The following OSTF1 variants were observed in gnomAD, a reference collection of about 807,000 sequenced individuals.
The protein encoded by OSTF1 is osteoclast-stimulating factor 1.
OSTF1 carries 27 observed loss-of-function variants against 37.2 expected under a neutral mutation model. The ratio of observed to expected loss-of-function variants is 0.73; its 90% CI spans 0.54 to 1.00. The LOEUF is 1.00. Among genes scored for constraint, OSTF1 ranks in the 50% least tolerant of loss-of-function variants. The pLI, the probability that OSTF1 is intolerant of heterozygous loss-of-function variation, is 0.00. For missense variants in OSTF1, 232 were observed against 253.8 expected, an observed-to-expected ratio of 0.91 and a Z score of 0.58; for synonymous variants, 82 against 89.2, an observed-to-expected ratio of 0.92 and a Z score of 0.46.
chr9:75,133,483 A>G (rs1825798585), intron 6 of OSTF1, 82 bp downstream of exon 6: 1 of 825,684 alleles, frequency 1.2e-6, no homozygotes, highest in Non-Finnish European at 2.0e-6. Flanking sequence ...AAAAAATGAG[A>G]AAGGAAAAGC....
At chr9:75,132,860 G>T (rs529315529) in intron 5 of OSTF1, among the ~76,000 whole-genome samples, 1 of 152,140 alleles carries the variant, frequency 6.6e-6, no homozygotes, top group South Asian at 2.1e-4. Flanking sequence ...AACTGAAGAT[G>T]CATTTTAAAT....
intron 6 of OSTF1, 35 bp downstream of exon 6, chr9:75,133,436 G>A: frequency 7.9e-7 from 1 of 1,267,600 alleles, no homozygotes; most frequent in Non-Finnish European, 1.1e-6. Flanking sequence ...TTTCTATGCT[G>A]CTGAAAATGT....
chr9:75,139,112 G>A (rs964014967), intron 8 of OSTF1, among the ~76,000 whole-genome samples: 4 of 136,058 alleles, frequency 2.9e-5, no homozygotes, highest in African/African-American at 1.1e-4. Context: ...GCATGATCTC[G>A]GCTCATTGCA....
intron 5 of OSTF1, 96 bp from the exon 6 acceptor site, chr9:75,133,198 C>T: frequency 1.4e-6 from 1 of 734,282 alleles, no homozygotes; most frequent in Non-Finnish European, 2.4e-6. Context: ...TAATCCATTG[C>T]AAATGGAAAT....
chr9:75,089,083 G>T (rs1824881080), intron 1 of OSTF1, among the ~76,000 whole-genome samples: 1 of 152,070 alleles, frequency 6.6e-6, no homozygotes, highest in Non-Finnish European at 1.5e-5. Context: ...GTCATGAAAT[G>T]ATCTTTAGCC....
At chr9:75,108,182 A>C (rs375138211) in intron 1 of OSTF1, among the ~76,000 whole-genome samples, 5 of 152,088 alleles carry the variant, frequency 3.3e-5, no homozygotes, top group East Asian at 3.9e-4. Context: ...CTATGATTGC[A>C]CCACTGTACT....
chr9:75,141,823 C>T (rs1259550243), intron 9 of OSTF1, among the ~76,000 whole-genome samples: 2 of 152,180 alleles, frequency 1.3e-5, no homozygotes, highest in Admixed American at 1.3e-4. Context: ...TCATAGCTCA[C>T]TGCAGCCTCA....
intron 1 of OSTF1, among the ~76,000 whole-genome samples, chr9:75,114,416 A>G (rs1013244701): frequency 1.3e-5 from 2 of 152,248 alleles, no homozygotes; most frequent in African/African-American, 2.4e-5. Flanking sequence ...TATCAGTCAC[A>G]TGAACCATTC....
chr9:75,090,344 T>A (rs1824950646), intron 1 of OSTF1, among the ~76,000 whole-genome samples: 1 of 151,868 alleles, frequency 6.6e-6, no homozygotes. Flanking sequence ...CAGTAATGTA[T>A]ACATGTGGGT....
At chr9:75,093,597 A>T (rs142766291) in intron 1 of OSTF1, among the ~76,000 whole-genome samples, 39 of 152,366 alleles carry the variant, frequency 2.6e-4, no homozygotes, top group African/African-American at 7.9e-4. Context: ...AACTTTGAAG[A>T]AGCAAATGTC....
chr9:75,088,895 G>A (rs1218839515), intron 1 of OSTF1, among the ~76,000 whole-genome samples, 169 bp downstream of exon 1: 1 of 152,068 alleles, frequency 6.6e-6, no homozygotes. Context: ...TGTTACGGAG[G>A]AGGGATCGAT....
chr9:75,132,241 G>A (rs1205168801), intron 5 of OSTF1, among the ~76,000 whole-genome samples: 1 of 152,164 alleles, frequency 6.6e-6, no homozygotes, highest in African/African-American at 2.4e-5. Context: ...AGAATGGAAG[G>A]GTCTGGTGGG....
intron 1 of OSTF1, among the ~76,000 whole-genome samples, chr9:75,115,547 C>T (rs1165003001): frequency 6.6e-6 from 1 of 152,066 alleles, no homozygotes; most frequent in East Asian, 1.9e-4. Flanking sequence ...GTCTTGGCCT[C>T]CCAAAGCTTT....
At chr9:75,122,736 C>T (rs1192165074) in intron 2 of OSTF1, among the ~76,000 whole-genome samples, 1 of 152,166 alleles carries the variant, frequency 6.6e-6, no homozygotes, top group Non-Finnish European at 1.5e-5. Flanking sequence ...ATAAGAATAG[C>T]ACCCACTTCA....
At chr9:75,135,480 T>A (rs1022071248) in intron 7 of OSTF1, among the ~76,000 whole-genome samples, 11 of 152,352 alleles carry the variant, frequency 7.2e-5, no homozygotes, top group Admixed American at 6.5e-4. Context: ...AGAATTTTTA[T>A]CTGACCCTTC....
intron 7 of OSTF1, among the ~76,000 whole-genome samples, chr9:75,137,157 A>G (rs1385934367): frequency 1.3e-5 from 2 of 152,070 alleles, no homozygotes; most frequent in Non-Finnish European, 2.9e-5. Context: ...AGTACTTTAA[A>G]CCAATATCTC....
chr9:75,123,481 A>G (rs1825614187), intron 2 of OSTF1, among the ~76,000 whole-genome samples: 1 of 152,176 alleles, frequency 6.6e-6, no homozygotes, highest in Non-Finnish European at 1.5e-5. Context: ...AGAAGTGCAT[A>G]CTTCATTATG....
At chr9:75,130,498 C>A in intron 3 of OSTF1, 80 bp from the exon 4 acceptor site, 1 of 935,900 alleles carries the variant, frequency 1.1e-6, no homozygotes, top group South Asian at 1.3e-5. Context: ...AACAGGTACT[C>A]CCTAGGAGCT....
At chr9:75,103,622 A>C (rs535829631) in intron 1 of OSTF1, among the ~76,000 whole-genome samples, 1 of 152,158 alleles carries the variant, frequency 6.6e-6, no homozygotes. Flanking sequence ...ATAAACTCTT[A>C]TTTTTAATTA....
Sources: gnomAD v4.1 joint callset for allele counts (sites outside exome capture counted in the v4.1 genomes callset) on GRCh38, gnomAD v4.1.1 for gene constraint, MANE v1.5 for transcripts, NCBI Gene and HGNC (gene_info 2026-07-23, HGNC 2026-07-21) for gene names.